B3GNT5: variants seen among roughly 807,000 people sequenced by gnomAD.
The protein encoded by B3GNT5 is lactosylceramide 1,3-N-acetyl-beta-D-glucosaminyltransferase.
B3GNT5 carries 11 observed loss-of-function variants against 25.9 expected under a neutral mutation model. That is an observed-to-expected ratio of 0.42 (90% confidence interval 0.27 to 0.70). The LOEUF (loss-of-function observed/expected upper bound fraction) is 0.70, where lower values mean the gene tolerates loss of function less well. Ranked by LOEUF, B3GNT5 falls within the 30% of genes least tolerant of loss-of-function variation. The probability of loss-of-function intolerance (pLI) is 0.23; values close to 1 mark genes in which losing one functional copy is unlikely to be tolerated. For missense variants in B3GNT5, 385 were observed against 458.4 expected (o/e 0.84, Z 1.46); for synonymous variants, 166 against 158.6 (o/e 1.05, Z -0.35).
At chr3:183,263,523 T>C (rs1475129793) in intron 1 of B3GNT5, among the ~76,000 whole-genome samples, 1 of 152,096 alleles carries the variant, frequency 6.6e-6, no homozygotes, top group East Asian at 1.9e-4. Flanking sequence ...CCTTTTTTCA[T>C]TGACTCCTCC....
At chr3:183,258,708 T>C (rs562328605) in intron 1 of B3GNT5, among the ~76,000 whole-genome samples, 1 of 152,168 alleles carries the variant, frequency 6.6e-6, no homozygotes, top group Non-Finnish European at 1.5e-5. Context: ...ATTTATATTA[T>C]AACCTATGCA....
Position 183,272,298 on chromosome 3 carries a change from A to G in B3GNT5, c.*1363A>G. Reference sequence around the variant, plus strand: ...AACTAGGTGGTGTCTACTGCTAGGGAGATTATATGAAGGCCAAAATAATGA... The same window carrying G: ...AACTAGGTGGTGTCTACTGCTAGGGGGATTATATGAAGGCCAAAATAATGA... On this transcript the variant is annotated 3_prime_UTR_variant, in exon 2 of 2. Coordinates refer to ENST00000326505, the MANE Select transcript of B3GNT5 (RefSeq NM_032047.5). 1.0e-6 allele frequency: 1 copy of G among 1,000,278 alleles called. No individual in the cohort carries two copies. The highest frequency in any genetic ancestry group is 1.2e-6 in the Non-Finnish European group (1 of 830,004). The allele number at this position is 1,000,278 out of a possible 1,614,324, so 62.0% of individuals were successfully genotyped here.
Position 183,253,905 on chromosome 3 carries a change from T to G in B3GNT5, c.-302+433T>G, listed in dbSNP as rs1724754792. 3 of 152,172 alleles carry G rather than the reference T, an allele frequency of 2.0e-5. No homozygotes were observed. The South Asian group carries it at 6.2e-4, about 32-fold the overall frequency. 9.4% of individuals were successfully genotyped at this position (152,172 alleles called of 1,614,324 possible). On this transcript the variant is annotated intron_variant, in intron 1 of 1. Transcript: ENST00000326505. ...CCGAGGCCTCTCTGGGTGGGAGTGT[T>G]GGCTTCCTTTCCGGATCGCTAAATG...
Position 183,273,345 on chromosome 3 carries a change from TA to T in B3GNT5, c.*2418del, listed in dbSNP as rs1004753056. The T allele has an allele frequency of 3.8e-5, 9 of 235,884 alleles. No homozygotes were observed. Among genetic ancestry groups the T allele is most frequent in the East Asian group, 9.1e-5 (1 of 10,960 alleles). The allele number at this position is 235,884 out of a possible 1,614,324, so 14.6% of individuals were successfully genotyped here. A position where few individuals can be genotyped will look rare whatever the true frequency, so the allele number is the denominator to read the frequency against. On this transcript the variant is annotated 3_prime_UTR_variant, in exon 2 of 2. Coordinates refer to ENST00000326505, the MANE Select transcript of B3GNT5 (RefSeq NM_032047.5). ...TGTATGGCAAAATAATTAGTGAGTT[TA>T]AAAAAAATCTATAGTTTCCAATAAA...
At position 183,269,230 on chromosome 3, in the gene B3GNT5, C is replaced by CTTTTTTTTTTTTTTTTTTTTT. The variant is rs60835895; in HGVS notation, c.-301-250_-301-249insTTTTTTTTTTTTTTTTTTTTT. ...TACACGATTATAGCCGTTTGGGAAG[C>CTTTTTTTTTTTTTTTTTTTTT]TTTTTTTTTTTTTTTTTTAAGAGTA... On this transcript the variant is annotated intron_variant, in intron 1 of 1. Transcript: ENST00000326505. Among the ~76,000 whole-genome samples the CTTTTTTTTTTTTTTTTTTTTT allele has an allele frequency of 2.4e-3, 192 of 80,962 alleles. 23 individuals carry two copies. The highest frequency in any genetic ancestry group is 7.7e-3 in the Middle Eastern group (1 of 130). 53.1% of individuals were successfully genotyped at this position (80,962 alleles called of 152,430 possible).
intron 1 of B3GNT5, among the ~76,000 whole-genome samples, chr3:183,256,521 A>G (rs1371252601): frequency 1.3e-5 from 2 of 152,236 alleles, no homozygotes; most frequent in Admixed American, 6.5e-5. Flanking sequence ...TAACTTATTC[A>G]GATTTCTCTT....
chr3:183,270,206 A>G lies in B3GNT5; in HGVS notation c.408A>G (p.Pro136=). Residue 136 remains proline (P), a synonymous_variant, in exon 2 of 2, where the codon CCA becomes CCG. Transcript: ENST00000326505. The surrounding 1 kb of genome is among the most constrained non-coding windows in gnomAD (Gnocchi z 4.5). ...KTLFALGTPN[P]LEGEELQRKL... ...TGTTTGCCTTAGGAACTCCTAATCCACTGGAGGGAGAAGAACTACAAAGAA... is the reference window on the plus strand; with the variant it reads ...TGTTTGCCTTAGGAACTCCTAATCCGCTGGAGGGAGAAGAACTACAAAGAA... The G allele has an allele frequency of 2.5e-6, 4 of 1,614,230 alleles. No homozygotes were observed. Among genetic ancestry groups the G allele is most frequent in the Non-Finnish European group, 3.4e-6 (4 of 1,180,038 alleles).
chr3:183,273,028 C>G lies in B3GNT5; in HGVS notation c.*2093C>G. 6.7e-7 allele frequency: 1 copy of G among 1,483,784 alleles called. No homozygotes were observed. The highest frequency in any genetic ancestry group is 1.4e-5 in the South Asian group (1 of 72,326). The allele number at this position is 1,483,784 out of a possible 1,614,324, so 91.9% of individuals were successfully genotyped here. On this transcript the variant is annotated 3_prime_UTR_variant, in exon 2 of 2. Coordinates refer to ENST00000326505, the MANE Select transcript of B3GNT5 (RefSeq NM_032047.5). ...CTAAGAAGGAAGTTGCTAGATGATT[C>G]CTTCATCACACTTACTTAAAGTACT...
chr3:183,263,671 C>T (rs1011672873), intron 1 of B3GNT5, among the ~76,000 whole-genome samples: 19 of 152,262 alleles, frequency 1.2e-4, no homozygotes, highest in African/African-American at 4.3e-4. Flanking sequence ...CTGTCTAACT[C>T]GTCTTAGATT....
In B3GNT5 at chr3:183,269,705, G is replaced by T; in HGVS notation, c.-94G>T. 8.9e-7 allele frequency: 1 copy of T among 1,124,232 alleles called. No individual in the cohort carries two copies. The allele number at this position is 1,124,232 out of a possible 1,614,324, so 69.6% of individuals were successfully genotyped here. On this transcript the variant is annotated 5_prime_UTR_variant, in exon 2 of 2. It removes an upstream start codon present in the reference 5' UTR. Transcript: ENST00000326505. Reference sequence around the variant, plus strand: ...TTTAATGACCAACATGTATTAAGATGGACACCTACTCTACGAAACACGAAG... The same window carrying T: ...TTTAATGACCAACATGTATTAAGATTGACACCTACTCTACGAAACACGAAG...
chr3:183,260,442 G>C (rs1244651944), intron 1 of B3GNT5, among the ~76,000 whole-genome samples: 3 of 152,170 alleles, frequency 2.0e-5, no homozygotes, highest in Non-Finnish European at 4.4e-5. Flanking sequence ...AGCACAGAGG[G>C]CCAAGCTCAG....
rs1372621721 is a variant in B3GNT5, at chr3:183,269,638, G to A, written c.-161G>A. ...ATTCTTCCGCAATCTCAGAAAAATGGGACTAAAAGAAACTATTTTGTAAAA... is the reference window on the plus strand; with the variant it reads ...ATTCTTCCGCAATCTCAGAAAAATGAGACTAAAAGAAACTATTTTGTAAAA... On this transcript the variant is annotated 5_prime_UTR_variant, in exon 2 of 2. An upstream open reading frame in the 5' UTR gains an earlier in-frame stop. Coordinates refer to ENST00000326505, the MANE Select transcript of B3GNT5 (RefSeq NM_032047.5). 7 of 631,876 alleles carry A rather than the reference G, an allele frequency of 1.1e-5. No individual in the cohort carries two copies. The highest frequency in any genetic ancestry group is 7.6e-5 in the African/African-American group (4 of 52,574). The allele number at this position is 631,876 out of a possible 1,614,324, so 39.1% of individuals were successfully genotyped here.
In B3GNT5 at chr3:183,272,142, A is replaced by ATT; in HGVS notation, c.*1211_*1212dup. The ATT allele has an allele frequency of 3.0e-6, 3 of 1,000,306 alleles. No homozygotes were observed. Among genetic ancestry groups the ATT allele is most frequent in the Non-Finnish European group, 3.6e-6 (3 of 829,980 alleles). The allele number at this position is 1,000,306 out of a possible 1,614,324, so 62.0% of individuals were successfully genotyped here. A position where few individuals can be genotyped will look rare whatever the true frequency, so the allele number is the denominator to read the frequency against. On this transcript the variant is annotated 3_prime_UTR_variant, in exon 2 of 2. Transcript: ENST00000326505. Reference sequence around the variant, plus strand: ...AAAGTTGCCAGTTTGGGGTTAAAGCATTTTTAAAGCTGCATGTTCCTTGTA... The same window carrying ATT: ...AAAGTTGCCAGTTTGGGGTTAAAGCATTTTTTTAAAGCTGCATGTTCCTTGTA...
In B3GNT5 at chr3:183,271,142, AT is replaced by A; in HGVS notation, c.*210del. ...CCTAAGTTCATTTCAAAGAATTTGT[AT>A]TTAGAAAAGGTTTATATTATTAGTG... On this transcript the variant is annotated 3_prime_UTR_variant, in exon 2 of 2. Transcript: ENST00000326505. 2.2e-6 allele frequency: 1 copy of A among 454,836 alleles called. No individual in the cohort carries two copies. Among genetic ancestry groups the A allele is most frequent in the Non-Finnish European group, 3.8e-6 (1 of 260,056 alleles). 28.2% of individuals were successfully genotyped at this position (454,836 alleles called of 1,614,324 possible).
rs543575415 is a variant in B3GNT5, at chr3:183,270,512, C to T, written c.714C>T (p.Tyr238=). Residue 238 remains tyrosine, a synonymous_variant, in exon 2 of 2, where the codon TAC becomes TAT. Transcript: ENST00000326505. This position sits in a 1 kb window ranked among gnomAD's most constrained non-coding sequence, Gnocchi z 4.5. ...PPIRDKSSKY[Y]VSYEMYQWPA... is the part of the protein sequence containing the mutation. ...TTAGAGATAAAAGCAGCAAATACTA[C>T]GTGTCCTATGAAATGTACCAGTGGC... 3.7e-5 allele frequency: 59 copies of T among 1,614,150 alleles called. No homozygotes were observed. Among genetic ancestry groups the T allele is most frequent in the Non-Finnish European group, 4.6e-5 (54 of 1,180,016 alleles).
chr3:183,270,969 T>C lies in B3GNT5; in HGVS notation c.*34T>C. On this transcript the variant is annotated 3_prime_UTR_variant, in exon 2 of 2. Transcript: ENST00000326505. This position sits in a 1 kb window ranked among gnomAD's most constrained non-coding sequence, Gnocchi z 4.5. ...GAATGTTGTATGTTTTCACTGTCACTGAGTCAAACCTGGATGAAAAAAACC... is the reference window on the plus strand; with the variant it reads ...GAATGTTGTATGTTTTCACTGTCACCGAGTCAAACCTGGATGAAAAAAACC... The C allele has an allele frequency of 6.6e-7, 1 of 1,518,716 alleles. No homozygotes were observed. 94.1% of individuals were successfully genotyped at this position (1,518,716 alleles called of 1,614,324 possible). A position where few individuals can be genotyped will look rare whatever the true frequency, so the allele number is the denominator to read the frequency against.
intron 1 of B3GNT5, among the ~76,000 whole-genome samples, chr3:183,262,150 C>G (rs1420351119): frequency 8.6e-6 from 1 of 115,874 alleles, no homozygotes; most frequent in Non-Finnish European, 1.6e-5. Flanking sequence ...ATTATATACA[C>G]TAAGGGTTAG....
In B3GNT5 at chr3:183,273,061, G is replaced by T. The variant is rs1726920302; in HGVS notation, c.*2126G>T. 1 of 1,482,986 alleles carries T rather than the reference G, an allele frequency of 6.7e-7. No homozygotes were observed. Among genetic ancestry groups the T allele is most frequent in the Non-Finnish European group, 9.0e-7 (1 of 1,112,856 alleles). 91.9% of individuals were successfully genotyped at this position (1,482,986 alleles called of 1,614,324 possible). A position where few individuals can be genotyped will look rare whatever the true frequency, so the allele number is the denominator to read the frequency against. On this transcript the variant is annotated 3_prime_UTR_variant, in exon 2 of 2. Transcript: ENST00000326505. ...ACACTTACTTAAAGTACTGAGAAGA[G>T]TATCTGTAAATAAAAGGGTTCCAAC...
Position 183,271,652 on chromosome 3 carries a change from TG to T in B3GNT5, c.*718del, listed in dbSNP as rs1726793797. 6.0e-6 allele frequency: 1 copy of T among 166,952 alleles called. No individual in the cohort carries two copies. Among genetic ancestry groups the T allele is most frequent in the Non-Finnish European group, 1.5e-5 (1 of 68,076 alleles). The allele number at this position is 166,952 out of a possible 1,614,324, so 10.3% of individuals were successfully genotyped here. On this transcript the variant is annotated 3_prime_UTR_variant, in exon 2 of 2. Coordinates refer to ENST00000326505, the MANE Select transcript of B3GNT5 (RefSeq NM_032047.5). ...GGATTTTTTTTTAAGTATTAGAAAA[TG>T]ACACATAACACGGGCAGCTGGTTGC...
Sources: allele counts gnomAD v4.1 joint callset (sites outside exome capture counted in the v4.1 genomes callset), GRCh38; gene constraint gnomAD v4.1.1; non-coding constraint Gnocchi (gnomAD v3.1); transcripts MANE v1.5; gene names NCBI Gene and HGNC (gene_info 2026-07-23, HGNC 2026-07-21).